The following TRIM55 variants were observed in gnomAD, a reference collection of about 807,000 sequenced individuals.
The protein encoded by TRIM55 is tripartite motif containing 55, also known as tripartite motif-containing protein 55.
A neutral mutation model predicts 60.9 loss-of-function variants in TRIM55; 50 were observed. The observed-to-expected ratio is 0.82, with a 90% CI of 0.65 to 1.04. TRIM55 has a LOEUF of 1.04. Ranked by LOEUF, TRIM55 falls within the 50% of genes least tolerant of loss-of-function variation. The pLI, the probability that TRIM55 is intolerant of heterozygous loss-of-function variation, is 0.00. For synonymous variants in TRIM55, 237 were observed against 238.1 expected (o/e 1.00, Z 0.04); for missense variants, 681 against 666.9 (o/e 1.02, Z -0.23).
chr8:66,113,383 T>C, the TRIM55 span: 1 of 391,020 alleles, frequency 2.6e-6, no homozygotes, highest in Non-Finnish European at 5.1e-6. Flanking sequence ...ATAGCTCAGC[T>C]GGTAGAGCGG....
rs923870396 is a variant in TRIM55, at chr8:66,175,134, A to T, written c.*541A>T. 1 of 152,656 alleles carries T rather than the reference A, an allele frequency of 6.6e-6. No homozygotes were observed. Among genetic ancestry groups the T allele is most frequent in the Non-Finnish European group, 1.5e-5 (1 of 68,048 alleles). The allele number at this position is 152,656 out of a possible 1,614,324, so 9.5% of individuals were successfully genotyped here. On this transcript the variant is annotated 3_prime_UTR_variant, in exon 10 of 10. Coordinates refer to ENST00000315962, the MANE Select transcript of TRIM55 (RefSeq NM_184085.2). Reference sequence around the variant, plus strand: ...TCTTTTGCATAACAGATGTCACTGGATGTACATTCAGAAATGTTCTTTGAA... The same window carrying T: ...TCTTTTGCATAACAGATGTCACTGGTTGTACATTCAGAAATGTTCTTTGAA...
At chr8:66,139,474 G>T (rs550868467) in intron 4 of TRIM55, among the ~76,000 whole-genome samples, 1 of 150,544 alleles carries the variant, frequency 6.6e-6, no homozygotes, top group Non-Finnish European at 1.5e-5. Context: ...CATAGAAGCC[G>T]ATCAGGGGCA....
At chr8:66,158,632 T>C (rs894493814) in intron 9 of TRIM55, among the ~76,000 whole-genome samples, 1 of 152,236 alleles carries the variant, frequency 6.6e-6, no homozygotes, top group Non-Finnish European at 1.5e-5. Flanking sequence ...ACTAGGAATT[T>C]TATAATTGGT....
intron 4 of TRIM55, among the ~76,000 whole-genome samples, chr8:66,143,196 T>C (rs188119520): frequency 4.6e-4 from 70 of 152,356 alleles, no homozygotes; most frequent in Middle Eastern, 3.4e-3. Flanking sequence ...TCTTCAGCTC[T>C]ATTTTGGTCA....
In TRIM55 at chr8:66,152,653, C is replaced by T. The variant is rs180884809; in HGVS notation, c.1236+26C>T. The T allele has an allele frequency of 7.5e-6, 12 of 1,608,524 alleles. 1 individual carries two copies. Among genetic ancestry groups the T allele is most frequent in the Middle Eastern group, 1.7e-4 (1 of 5,914 alleles). On this transcript the variant is annotated intron_variant, in intron 8 of 9. Coordinates refer to ENST00000315962, the MANE Select transcript of TRIM55 (RefSeq NM_184085.2). The stretch of plus-strand genomic sequence containing the variant: ...GTAACCCCTCCTGAGTCTCTTTCTA[C>T]AGGGCACATGGGCGTGTCTCCTTAT...
intron 4 of TRIM55, among the ~76,000 whole-genome samples, chr8:66,137,832 C>T (rs916384633): frequency 5.9e-5 from 9 of 151,746 alleles, no homozygotes; most frequent in Non-Finnish European, 1.0e-4. Context: ...TTTGAGCTTG[C>T]CGTATAATAA....
At chr8:66,137,915 A>T (rs1235546212) in intron 4 of TRIM55, among the ~76,000 whole-genome samples, 1 of 152,194 alleles carries the variant, frequency 6.6e-6, no homozygotes, top group Non-Finnish European at 1.5e-5. Flanking sequence ...AAAGTGTGGA[A>T]GCCTAAAGAG....
At chr8:66,163,245 T>C (rs1358850745) in intron 9 of TRIM55, among the ~76,000 whole-genome samples, 2 of 152,198 alleles carry the variant, frequency 1.3e-5, no homozygotes, top group Non-Finnish European at 2.9e-5. Context: ...GTTGGTTTTC[T>C]CCATTTTTTG....
upstream of TRIM55, among the ~76,000 whole-genome samples, chr8:66,126,659 A>G (rs930887751): frequency 3.9e-5 from 6 of 152,298 alleles, no homozygotes; most frequent in Non-Finnish European, 5.9e-5. Context: ...AGTCTTTTTG[A>G]TGATTGCCTT....
Position 66,173,416 on chromosome 8 carries a change from T to C in TRIM55, c.1525-1055T>C, listed in dbSNP as rs1015470610. Among the ~76,000 whole-genome samples the C allele has an allele frequency of 3.3e-5, 5 of 152,222 alleles. No individual in the cohort carries two copies. The South Asian group carries it at 1.0e-3, about 32-fold the overall frequency. On this transcript the variant is annotated intron_variant, in intron 9 of 9. Transcript: ENST00000315962. ...CTCTCAAGACTATTTTGAGTGGCAG[T>C]AAAACAACATACTTAACCAAAGTTC... is the stretch of plus-strand genomic sequence containing the variant.
At chr8:66,121,230 G>A in the TRIM55 span, among the ~76,000 whole-genome samples, 1 of 152,170 alleles carries the variant, frequency 6.6e-6, no homozygotes, top group African/African-American at 2.4e-5. Flanking sequence ...GGAAGGTGGT[G>A]GTGACTTTGC....
At chr8:66,155,557 T>G in intron 9 of TRIM55, 1 of 1,260,040 alleles carries the variant, frequency 7.9e-7, no homozygotes, top group Non-Finnish European at 1.1e-6. Context: ...AAAAGTCCAT[T>G]GAAATAATGT....
intron 9 of TRIM55, among the ~76,000 whole-genome samples, chr8:66,165,766 CG>C: frequency 6.6e-6 from 1 of 152,118 alleles, no homozygotes; most frequent in Middle Eastern, 3.4e-3. Flanking sequence ...AAATATTGTC[CG>C]GGGCCTAATA....
intron 2 of TRIM55, among the ~76,000 whole-genome samples, chr8:66,133,997 C>A (rs1422938896): frequency 6.6e-6 from 1 of 152,150 alleles, no homozygotes; most frequent in Admixed American, 6.5e-5. Context: ...CACACGTACA[C>A]CTGAAACAAA....
chr8:66,154,634 C>G (rs1249096779), intron 9 of TRIM55, among the ~76,000 whole-genome samples: 2 of 152,252 alleles, frequency 1.3e-5, no homozygotes, highest in African/African-American at 4.8e-5. Flanking sequence ...GCTGCTTCAT[C>G]TGCAGTGACT....
Position 66,135,045 on chromosome 8 carries a change from A to G in TRIM55, c.397A>G (p.Asn133Asp), listed in dbSNP as rs1421860201. 3 of 1,614,202 alleles carry G rather than the reference A, an allele frequency of 1.9e-6. No individual in the cohort carries two copies. Among genetic ancestry groups the G allele is most frequent in the Non-Finnish European group, 2.5e-6 (3 of 1,180,038 alleles). ...MCEEHEEERI[N>D]IYCLNCEVPT... ...CGAGGAACATGAAGAGGAGCGCATC[A>G]ACATCTACTGTCTGAACTGCGAAGT... The change falls in exon 3 of 10, where the codon AAC (asparagine) becomes GAC (aspartate). Residue 133 changes from asparagine (N) to aspartate (D), a missense_variant. Physicochemically the swap from Asn to Asp is conservative, Grantham distance 23. Coordinates refer to ENST00000315962, the MANE Select transcript of TRIM55 (RefSeq NM_184085.2).
chr8:66,135,348 C>T (rs531557751), intron 3 of TRIM55, among the ~76,000 whole-genome samples, 193 bp downstream of exon 3: 4 of 152,332 alleles, frequency 2.6e-5, no homozygotes, highest in South Asian at 4.1e-4. Context: ...ACACCAAATT[C>T]CCTGGACGGT....
chr8:66,122,192 A>G (rs1808658309), upstream of TRIM55, among the ~76,000 whole-genome samples: 1 of 152,232 alleles, frequency 6.6e-6, no homozygotes, highest in Middle Eastern at 3.4e-3. Context: ...CTAAAGGGAA[A>G]AGTCAAGCTG....
intron 1 of TRIM55, 133 bp from the exon 2 acceptor site, chr8:66,128,171 C>A: frequency 1.2e-6 from 1 of 818,824 alleles, no homozygotes; most frequent in Non-Finnish European, 1.9e-6. Context: ...GCTGAGAAAG[C>A]CCTGAGGGAT....
Sources: gnomAD v4.1 joint callset for allele counts (sites outside exome capture counted in the v4.1 genomes callset) on GRCh38, gnomAD v4.1.1 for gene constraint, MANE v1.5 for transcripts, NCBI Gene and HGNC (gene_info 2026-07-23, HGNC 2026-07-21) for gene names.